The following SLC13A4 variants were observed in gnomAD, a reference collection of about 807,000 sequenced individuals.
The protein encoded by SLC13A4 is Na(+)/sulfate cotransporter SUT-1.
SLC13A4 carries 28 observed loss-of-function variants against 72.7 expected under a neutral mutation model. The ratio of observed to expected loss-of-function variants is 0.39; its 90% CI spans 0.29 to 0.53. SLC13A4 has a LOEUF of 0.53. Among genes scored for constraint, SLC13A4 ranks in the 20% least tolerant of loss-of-function variants. The probability of loss-of-function intolerance (pLI) is 0.78; values close to 1 mark genes in which losing one functional copy is unlikely to be tolerated. For missense variants in SLC13A4, 653 were observed against 788.0 expected (o/e 0.83, Z 2.05); for synonymous variants, 312 against 325.5 (o/e 0.96, Z 0.45).
intron 1 of SLC13A4, among the ~76,000 whole-genome samples, chr7:135,724,966 G>A (rs540741000): frequency 6.6e-6 from 1 of 152,184 alleles, no homozygotes; most frequent in Non-Finnish European, 1.5e-5. Context: ...TTCAATTCAC[G>A]TGGGCTGAAC....
chr7:135,708,013 A>T, intron 3 of SLC13A4, 101 bp downstream of exon 3: 1 of 1,444,848 alleles, frequency 6.9e-7, no homozygotes, highest in Non-Finnish European at 9.4e-7. Context: ...GTAAAAAAAC[A>T]GCTGAAGTGG....
At chr7:135,695,615 G>T (rs1795883743) in intron 8 of SLC13A4, 128 bp from the exon 9 acceptor site, 1 of 1,059,332 alleles carries the variant, frequency 9.4e-7, no homozygotes, top group Non-Finnish European at 1.4e-6. Context: ...TAACGATATG[G>T]TAAAACGTTG....
chr7:135,687,081 A>AAT (rs1345113706), intron 13 of SLC13A4, among the ~76,000 whole-genome samples: 1 of 152,096 alleles, frequency 6.6e-6, no homozygotes, highest in East Asian at 1.9e-4. Flanking sequence ...TAAATGAATA[A>AAT]ATATTCCCAC....
At chr7:135,693,075 T>C (rs1053764983) in intron 10 of SLC13A4, 7 of 109,800 alleles carry the variant, frequency 6.4e-5, no homozygotes, top group African/African-American at 2.2e-4. Flanking sequence ...CACTCCAGAC[T>C]GGGCAAAAGG....
intron 7 of SLC13A4, 82 bp downstream of exon 7, chr7:135,701,598 A>G (rs943275470): frequency 7.2e-7 from 1 of 1,382,008 alleles, no homozygotes; most frequent in African/African-American, 1.4e-5. Flanking sequence ...TGATTCCCTT[A>G]CGACTTCAAG....
At chr7:135,721,201 G>A (rs147664078) in intron 2 of SLC13A4, among the ~76,000 whole-genome samples, 194 bp downstream of exon 2, 70 of 152,328 alleles carry the variant, frequency 4.6e-4, no homozygotes, top group African/African-American at 1.5e-3. Context: ...TGAAGGAGAT[G>A]AGGATCATGG....
At chr7:135,701,271 G>A (rs1414803238) in intron 7 of SLC13A4, among the ~76,000 whole-genome samples, 1 of 152,212 alleles carries the variant, frequency 6.6e-6, no homozygotes, top group Non-Finnish European at 1.5e-5. Context: ...TTTTATACAA[G>A]CCTCAACATT....
At chr7:135,696,527 A>G (rs1364463306) in intron 8 of SLC13A4, among the ~76,000 whole-genome samples, 1 of 151,838 alleles carries the variant, frequency 6.6e-6, no homozygotes, top group Non-Finnish European at 1.5e-5. Context: ...TAATTTTTGT[A>G]TTTTTAGTAG....
intron 9 of SLC13A4, among the ~76,000 whole-genome samples, chr7:135,695,090 C>T (rs1264635665): frequency 6.6e-6 from 1 of 152,230 alleles, no homozygotes; most frequent in Non-Finnish European, 1.5e-5. Context: ...ATACTCTTCA[C>T]CTCAGACTTT....
In SLC13A4 at chr7:135,721,406, G is replaced by A. The variant is rs1357233135; in HGVS notation, c.217C>T (p.Arg73Trp). Residue 73 changes from arginine (R) to tryptophan (W), a missense_variant, in exon 2 of 16, where the codon CGG becomes TGG. Arg to Trp is a moderately radical substitution (Grantham distance 101, BLOSUM62 -3). Transcript: ENST00000682651. ...AFLYPFFGVL[R>W]SNEVAAEYFK... ...ACAAGTAGTCTAACCTCATTGGACC[G>A]GAGGACTCCGAAGAACGGGTAAAGG... is the stretch of plus-strand genomic sequence containing the variant. The A allele has an allele frequency of 6.2e-7, 1 of 1,614,004 alleles. No homozygotes were observed. Among genetic ancestry groups the A allele is most frequent in the Non-Finnish European group, 8.5e-7 (1 of 1,179,938 alleles).
chr7:135,697,990 TA>T, intron 8 of SLC13A4, among the ~76,000 whole-genome samples: 1 of 152,306 alleles, frequency 6.6e-6, no homozygotes, highest in East Asian at 1.9e-4. Flanking sequence ...CACTTAGCTA[TA>T]ATGACTTGAT....
At chr7:135,689,694 G>A (rs1795732406) in intron 13 of SLC13A4, among the ~76,000 whole-genome samples, 1 of 152,104 alleles carries the variant, frequency 6.6e-6, no homozygotes, top group Non-Finnish European at 1.5e-5. Context: ...GACCTGAGCT[G>A]AAAATAAGGA....
intron 2 of SLC13A4, among the ~76,000 whole-genome samples, chr7:135,716,560 G>T (rs1355848422): frequency 6.6e-6 from 1 of 152,156 alleles, no homozygotes; most frequent in African/African-American, 2.4e-5. Context: ...TGATCCGCCT[G>T]CCTTGGCCTC....
chr7:135,701,391 T>C (rs1051214275), intron 7 of SLC13A4, among the ~76,000 whole-genome samples: 15 of 152,192 alleles, frequency 9.9e-5, no homozygotes, highest in African/African-American at 3.4e-4. Context: ...ATATTTGCAG[T>C]GTCCCTGAAG....
chr7:135,684,664 T>TC (rs1214257531), intron 14 of SLC13A4, among the ~76,000 whole-genome samples: 1 of 150,588 alleles, frequency 6.6e-6, no homozygotes, highest in Admixed American at 6.6e-5. Flanking sequence ...TTTTTTTTTT[T>TC]CCTAGGGAAG....
At chr7:135,687,400 G>A (rs1035230382) in intron 13 of SLC13A4, among the ~76,000 whole-genome samples, 1 of 152,168 alleles carries the variant, frequency 6.6e-6, no homozygotes, top group African/African-American at 2.4e-5. Context: ...TCCCTACACT[G>A]CCAGCATGTT....
intron 2 of SLC13A4, among the ~76,000 whole-genome samples, chr7:135,715,405 ATGAG>A (rs1335407483): frequency 7.8e-5 from 10 of 127,978 alleles, no homozygotes; most frequent in African/African-American, 2.6e-4. Flanking sequence ...ACATGTGTGT[ATGAG>A]TGTGTGTATG....
At chr7:135,716,483 AT>A (rs1796436866) in intron 2 of SLC13A4, among the ~76,000 whole-genome samples, 1 of 151,828 alleles carries the variant, frequency 6.6e-6, no homozygotes, top group Admixed American at 6.6e-5. Flanking sequence ...TTTTTATTCT[AT>A]TTTATTTTTA....
intron 2 of SLC13A4, among the ~76,000 whole-genome samples, chr7:135,711,024 G>C (rs1796288316): frequency 6.6e-6 from 1 of 152,154 alleles, no homozygotes; most frequent in African/African-American, 2.4e-5. Context: ...CGGCCCCCTA[G>C]CGGGAGCAGG....
Sources: gnomAD v4.1 joint callset for allele counts (sites outside exome capture counted in the v4.1 genomes callset) on GRCh38, gnomAD v4.1.1 for gene constraint, MANE v1.5 for transcripts, NCBI Gene and HGNC (gene_info 2026-07-23, HGNC 2026-07-21) for gene names.